Variants in MARCHF3 observed in about 807,000 individuals in gnomAD.
The protein encoded by MARCHF3 is membrane associated ring-CH-type finger 3.
Under a neutral mutation model 24.2 loss-of-function variants are expected in MARCHF3, and 13 were observed. The ratio of observed to expected loss-of-function variants is 0.54; its 90% CI spans 0.35 to 0.85. The LOEUF (loss-of-function observed/expected upper bound fraction) is 0.85, where lower values mean the gene tolerates loss of function less well. Ranked by LOEUF, MARCHF3 falls within the 40% of genes least tolerant of loss-of-function variation. The probability of loss-of-function intolerance (pLI) is 0.01; values close to 1 mark genes in which losing one functional copy is unlikely to be tolerated. For missense variants in MARCHF3, 276 were observed against 325.0 expected, an observed-to-expected ratio of 0.85 and a Z score of 1.16; for synonymous variants, 144 against 137.3, an observed-to-expected ratio of 1.05 and a Z score of -0.34.
chr5:127,023,147 T>C (rs1198213291), intron 1 of MARCHF3, among the ~76,000 whole-genome samples: 1 of 152,160 alleles, frequency 6.6e-6, no homozygotes, highest in Admixed American at 6.5e-5. Flanking sequence ...AGGAGATTTA[T>C]AAATGAAAAC....
chr5:126,937,723 G>T (rs1163373054), intron 1 of MARCHF3, among the ~76,000 whole-genome samples: 1 of 152,220 alleles, frequency 6.6e-6, no homozygotes, highest in African/African-American at 2.4e-5. Flanking sequence ...GATATACTAT[G>T]CAAGGTGACC....
At chr5:126,902,875 C>T (rs1429349826) in intron 3 of MARCHF3, among the ~76,000 whole-genome samples, 3 of 152,028 alleles carry the variant, frequency 2.0e-5, no homozygotes, top group African/African-American at 4.8e-5. Context: ...TATGGTTCCA[C>T]GAGTCCACGT....
Position 126,927,732 on chromosome 5 carries a change from T to C in MARCHF3, c.-56-9505A>G, listed in dbSNP as rs115647390. Among the ~76,000 whole-genome samples the C allele has an allele frequency of 5.6e-3, 845 of 152,172 alleles. 8 individuals are homozygous for C. Among genetic ancestry groups the C allele is most frequent in the Non-Finnish European group, 9.2e-3 (624 of 68,002 alleles). On this transcript the variant is annotated intron_variant, in intron 1 of 4. Transcript: ENST00000308660. ...ACAGTGTGTCAGCTTACACAGAACATCCCCTTAAGTCACTTAGCCACTCAG... is the reference window on the plus strand; with the variant it reads ...ACAGTGTGTCAGCTTACACAGAACACCCCCTTAAGTCACTTAGCCACTCAG...
chr5:126,912,695 A>C (rs1286642670), intron 3 of MARCHF3, among the ~76,000 whole-genome samples: 1 of 151,992 alleles, frequency 6.6e-6, no homozygotes, highest in Non-Finnish European at 1.5e-5. Flanking sequence ...TTTGTTTAAA[A>C]CTCTGCCCGC....
chr5:126,873,646 C>T (rs1418183577), intron 4 of MARCHF3, among the ~76,000 whole-genome samples: 1 of 152,168 alleles, frequency 6.6e-6, no homozygotes, highest in Non-Finnish European at 1.5e-5. Flanking sequence ...AGGGAGTCAG[C>T]GACTTAGCAG....
At chr5:126,894,732 A>C (rs1439228608) in intron 3 of MARCHF3, among the ~76,000 whole-genome samples, 3 of 151,864 alleles carry the variant, frequency 2.0e-5, no homozygotes, top group Non-Finnish European at 4.4e-5. Context: ...TTTTTCCTTC[A>C]TTTCAACTTT....
chr5:126,878,365 C>T lies in MARCHF3; in HGVS notation c.423G>A (p.Glu141=). 1 of 1,613,874 alleles carries T rather than the reference C, an allele frequency of 6.2e-7. No individual in the cohort carries two copies. Among genetic ancestry groups the T allele is most frequent in the South Asian group, 1.1e-5 (1 of 91,018 alleles). The part of the protein sequence containing the change: ...EWLRNPGPQH[E]KRTLFGDMVC... ...CCATGTCGCCAAACAGAGTCCGCTT[C>T]TCATGCTGGGGGCCAGGGTTTCTCA... The change falls in exon 4 of 5, where the codon GAG becomes GAA. Residue 141 remains glutamate, a synonymous_variant. Coordinates refer to ENST00000308660, the MANE Select transcript of MARCHF3 (RefSeq NM_178450.5).
intron 1 of MARCHF3, among the ~76,000 whole-genome samples, chr5:126,968,893 T>C (rs1388277260): frequency 6.6e-6 from 1 of 152,226 alleles, no homozygotes; most frequent in African/African-American, 2.4e-5. Flanking sequence ...ATTCTTTATA[T>C]GTTCTGGATA....
chr5:126,897,786 C>CTAG (rs572728782), intron 3 of MARCHF3, among the ~76,000 whole-genome samples: 178 of 152,048 alleles, frequency 1.2e-3, no homozygotes, highest in Non-Finnish European at 1.6e-3. Context: ...GAAATAATTA[C>CTAG]TAGTAGTAGT....
In MARCHF3 at chr5:126,993,724, T is replaced by C. The variant is rs139734666; in HGVS notation, c.-57+36626A>G. Among the ~76,000 whole-genome samples the C allele has an allele frequency of 2.4e-3, 373 of 152,302 alleles. 2 individuals are homozygous for C. Among genetic ancestry groups the C allele is most frequent in the African/African-American group, 6.5e-3 (270 of 41,568 alleles). On this transcript the variant is annotated intron_variant, in intron 1 of 4. Coordinates refer to ENST00000308660, the MANE Select transcript of MARCHF3 (RefSeq NM_178450.5). Reference sequence around the variant, plus strand: ...GTATATAAATAAAAAATTTAACCCTTTGGGATGGCGTCTACATCTCCATTC... The same window carrying C: ...GTATATAAATAAAAAATTTAACCCTCTGGGATGGCGTCTACATCTCCATTC...
In MARCHF3 at chr5:126,884,224, C is replaced by T. The variant is rs1753433960; in HGVS notation, c.394-5830G>A. On this transcript the variant is annotated intron_variant, in intron 3 of 4. Transcript: ENST00000308660. ...GTTGAAAATCATGCTTTTCAGTTAACTTGAAACAAAGCAGAGAACAAAAAC... is the reference window on the plus strand; with the variant it reads ...GTTGAAAATCATGCTTTTCAGTTAATTTGAAACAAAGCAGAGAACAAAAAC... 2.0e-5 allele frequency among the ~76,000 whole-genome samples: 3 copies of T among 152,160 alleles called. No homozygotes were observed. In the South Asian group the frequency reaches 6.2e-4, roughly 32 times the overall value.
intron 2 of MARCHF3, 65 bp downstream of exon 2, chr5:126,917,918 AT>A: frequency 1.3e-6 from 2 of 1,526,866 alleles, no homozygotes; most frequent in East Asian, 2.3e-5. Context: ...TCCCATTAGC[AT>A]TTTCCATCTG....
chr5:126,974,300 C>G (rs542406183), intron 1 of MARCHF3, among the ~76,000 whole-genome samples: 2 of 152,328 alleles, frequency 1.3e-5, no homozygotes, highest in East Asian at 3.9e-4. Context: ...ATGGTCCAGG[C>G]TCCTGGCCCC....
At chr5:126,987,214 T>C (rs1314454145) in intron 1 of MARCHF3, among the ~76,000 whole-genome samples, 1 of 152,200 alleles carries the variant, frequency 6.6e-6, no homozygotes, top group Non-Finnish European at 1.5e-5. Context: ...CATTAGTGGG[T>C]ATAAAGTTTC....
rs57273792 is a variant in MARCHF3 at position 126,925,094 on chromosome 5, C to T, written c.-56-6867G>A. On this transcript the variant is annotated intron_variant, in intron 1 of 4. Transcript: ENST00000308660. ...TTGTCTCATTATTTTCTGCTAGGTG[C>T]TCATTGTCACGCTTACAGGGCACAG... is the stretch of plus-strand genomic sequence containing the variant. 8.5e-3 allele frequency among the ~76,000 whole-genome samples: 1,291 copies of T among 152,288 alleles called. 19 individuals are homozygous for T. The highest frequency in any genetic ancestry group is 0.026 in the East Asian group (133 of 5,188).
chr5:126,895,286 G>C (rs557905876), intron 3 of MARCHF3, among the ~76,000 whole-genome samples: 1 of 152,010 alleles, frequency 6.6e-6, no homozygotes, highest in Non-Finnish European at 1.5e-5. Flanking sequence ...TAATTTGATC[G>C]TCTGAAGCCT....
At chr5:126,901,004 A>G (rs1754086850) in intron 3 of MARCHF3, among the ~76,000 whole-genome samples, 1 of 151,982 alleles carries the variant, frequency 6.6e-6, no homozygotes, top group African/African-American at 2.4e-5. Flanking sequence ...CCGTGCCTGG[A>G]CCACCTGCAT....
intron 3 of MARCHF3, among the ~76,000 whole-genome samples, chr5:126,908,822 C>T (rs993827611): frequency 2.6e-5 from 4 of 152,074 alleles, no homozygotes; most frequent in South Asian, 2.1e-4. Flanking sequence ...CTCTCAGCTC[C>T]TCAAAGTCAT....
chr5:126,984,713 G>C (rs1436189727), intron 1 of MARCHF3, among the ~76,000 whole-genome samples: 1 of 152,226 alleles, frequency 6.6e-6, no homozygotes, highest in African/African-American at 2.4e-5. Context: ...TGAAAGCCAA[G>C]CCACAGACTG....
Sources: gnomAD v4.1 joint callset for allele counts (sites outside exome capture counted in the v4.1 genomes callset) on GRCh38, gnomAD v4.1.1 for gene constraint, MANE v1.5 for transcripts, NCBI Gene and HGNC (gene_info 2026-07-23, HGNC 2026-07-21) for gene names.